Variants in CIZ1 observed in about 807,000 individuals in gnomAD.
CIZ1 encodes CDKN1A interacting zinc finger protein 1, also known as cip1-interacting zinc finger protein.
In CIZ1, 58 loss-of-function variants were observed where a neutral mutation model predicts 118.6. The observed-to-expected ratio is 0.49, with a 90% confidence interval of 0.40 to 0.61. The LOEUF (loss-of-function observed/expected upper bound fraction) is 0.61. Ranked by LOEUF, CIZ1 falls within the 20% of genes least tolerant of loss-of-function variation. CIZ1 has a pLI of 0.00. For missense variants in CIZ1, 921 were observed against 1,115.9 expected, an observed-to-expected ratio of 0.83 and a Z score of 2.49; for synonymous variants, 448 against 443.4, an observed-to-expected ratio of 1.01 and a Z score of -0.13.
Position 128,203,594 on chromosome 9 carries a change from G to T in CIZ1, c.-6+592C>A, listed in dbSNP as rs770857641. 1.3e-6 allele frequency: 2 copies of T among 1,550,310 alleles called. No individual in the cohort carries two copies. The highest frequency in any genetic ancestry group is 1.7e-6 in the Non-Finnish European group (2 of 1,152,862). On this transcript the variant is annotated intron_variant, in intron 1 of 17. Coordinates refer to the CIZ1 transcript ENST00000372948. The surrounding 1 kb of genome is among the most constrained non-coding windows in gnomAD (Gnocchi z 5.3). ...GATCGCTGTGGTGGGCGGCCAGAGC[G>T]CCGGCAAGAGCTCGGTGCTCGAGAA...
chr9:128,192,175 C>A (rs192612616), upstream of CIZ1, among the ~76,000 whole-genome samples: 102 of 152,144 alleles, frequency 6.7e-4, no homozygotes, highest in African/African-American at 2.4e-3. Flanking sequence ...GGATCAAGAC[C>A]AGCCTGGGCA....
intron 14 of CIZ1, 170 bp from the exon 15 acceptor site, chr9:128,167,334 C>G (rs1829560663): frequency 1.7e-6 from 1 of 593,534 alleles, no homozygotes; most frequent in South Asian, 2.1e-5. Context: ...TCCTGCCTCC[C>G]AGAGTGCTCT....
intron 4 of CIZ1, among the ~76,000 whole-genome samples, chr9:128,186,565 T>C (rs1832401321): frequency 6.6e-6 from 1 of 152,208 alleles, no homozygotes; most frequent in South Asian, 2.1e-4. Flanking sequence ...AACAGCGATC[T>C]TTCGCAAACC....
intron 4 of CIZ1, among the ~76,000 whole-genome samples, 164 bp from the exon 5 acceptor site, chr9:128,185,940 GCCCCA>G (rs1832310705): frequency 1.3e-5 from 2 of 152,174 alleles, no homozygotes; most frequent in African/African-American, 4.8e-5. Flanking sequence ...CTGAGGCTCA[GCCCCA>G]TCTTGGGCAC....
rs1357356420 is a variant in CIZ1, at chr9:128,183,164, A to T, written c.589-2350T>A. ...CCCTCCCTCCCTCCTGCTAAGCCCA[A>T]GGAATGAGCACTGAGCAGGGAATGG... On this transcript the variant is annotated intron_variant, in intron 5 of 16. Transcript: ENST00000372938. 2.0e-5 allele frequency among the ~76,000 whole-genome samples: 3 copies of T among 152,158 alleles called. No individual in the cohort carries two copies. In the East Asian group the frequency reaches 5.8e-4, roughly 29 times the overall value.
At chr9:128,177,110 A>C (rs747473083) in intron 10 of CIZ1, among the ~76,000 whole-genome samples, 34 of 152,112 alleles carry the variant, frequency 2.2e-4, no homozygotes, top group Non-Finnish European at 4.1e-4. Context: ...GGCTGGTCTC[A>C]AACTCCTGAC....
At chr9:128,168,798 A>G (rs1829766198) in intron 14 of CIZ1, 1 of 498,200 alleles carries the variant, frequency 2.0e-6, no homozygotes, top group Admixed American at 3.4e-5. Context: ...CCGTGCCTTT[A>G]CTGATGCTGT....
upstream of CIZ1, among the ~76,000 whole-genome samples, chr9:128,194,065 T>G (rs74642505): frequency 5.8e-3 from 890 of 152,216 alleles, 9 homozygotes; most frequent in African/African-American, 0.021. Context: ...TTGCAAATTT[T>G]ATATCAAGAA....
chr9:128,192,063 G>GA (rs910533885), upstream of CIZ1: 12 of 580,206 alleles, frequency 2.1e-5, no homozygotes, highest in African/African-American at 3.9e-5. Flanking sequence ...TTTGGCTAAG[G>GA]AAGGAGTAGG....
chr9:128,184,488 G>GTT (rs1832094737), intron 5 of CIZ1, among the ~76,000 whole-genome samples: 1 of 102,424 alleles, frequency 9.8e-6, no homozygotes, highest in African/African-American at 3.0e-5. Flanking sequence ...GGGCAGTGCT[G>GTT]ATTTTTTTTT....
upstream of CIZ1, chr9:128,196,741 C>A (rs1833385744): frequency 6.6e-6 from 1 of 152,042 alleles, no homozygotes; most frequent in Non-Finnish European, 1.5e-5. Context: ...GTGGCTGGGA[C>A]TACAGGCACC....
chr9:128,171,759 T>TAAAA (rs1445875756), intron 11 of CIZ1, among the ~76,000 whole-genome samples: 1 of 151,526 alleles, frequency 6.6e-6, no homozygotes, highest in Non-Finnish European at 1.5e-5. Flanking sequence ...AATAAATAAA[T>TAAAA]AAAATAATAC....
chr9:128,168,054 C>T (rs1005067406), intron 14 of CIZ1, among the ~76,000 whole-genome samples: 1 of 152,168 alleles, frequency 6.6e-6, no homozygotes, highest in South Asian at 2.1e-4. Context: ...CCCCTCAATA[C>T]CCCACTTTGG....
In CIZ1 at chr9:128,190,327, A is replaced by G; in HGVS notation, c.286+2T>C. 6.2e-7 allele frequency: 1 copy of G among 1,608,132 alleles called. No individual in the cohort carries two copies. Among genetic ancestry groups the G allele is most frequent in the South Asian group, 1.1e-5 (1 of 90,718 alleles). On this transcript the variant is annotated splice_donor_variant, in intron 3 of 16. Coordinates refer to ENST00000372938, the MANE Select transcript of CIZ1 (RefSeq NM_001131016.2). LOFTEE classifies it high-confidence loss of function. ...TGAGAAGAGGCCTGGGGCCATCCAT[A>G]CCTTGCAACTGCTGTAAAAGCAAAG... is the stretch of plus-strand genomic sequence containing the variant.
intron 5 of CIZ1, 101 bp downstream of exon 5, chr9:128,185,446 G>C: frequency 1.5e-6 from 1 of 681,870 alleles, no homozygotes; most frequent in Non-Finnish European, 2.4e-6. Context: ...CATAAAGGGA[G>C]TGTGACCTGT....
At chr9:128,167,314 C>G in intron 14 of CIZ1, 150 bp from the exon 15 acceptor site, 1 of 615,116 alleles carries the variant, frequency 1.6e-6, no homozygotes. Context: ...TGAGCCTTTG[C>G]ACATGGTGAT....
At chr9:128,174,948 G>A (rs2130935891) in intron 11 of CIZ1, among the ~76,000 whole-genome samples, 1 of 152,308 alleles carries the variant, frequency 6.6e-6, no homozygotes, top group South Asian at 2.1e-4. Context: ...CTGAGCCACT[G>A]CGCCTGACCA....
rs751946601 is a variant in CIZ1, at chr9:128,166,730, G to A, written c.2487+29C>T. On this transcript the variant is annotated intron_variant, in intron 16 of 16. Coordinates refer to ENST00000372938, the MANE Select transcript of CIZ1 (RefSeq NM_001131016.2). This position sits in a 1 kb window ranked among gnomAD's most constrained non-coding sequence, Gnocchi z 4.4. ...GGATTAAGACTAAGTCTGTGGCCAGGGGAGGACAGGGCAGGATGTCCGGCT... is the reference window on the plus strand; with the variant it reads ...GGATTAAGACTAAGTCTGTGGCCAGAGGAGGACAGGGCAGGATGTCCGGCT... The A allele has an allele frequency of 7.5e-5, 121 of 1,614,028 alleles. 2 individuals carry two copies. The South Asian group carries it at 1.3e-3, about 17-fold the overall frequency.
chr9:128,171,910 G>A (rs189765652), intron 11 of CIZ1, among the ~76,000 whole-genome samples: 53 of 152,006 alleles, frequency 3.5e-4, no homozygotes, highest in African/African-American at 1.2e-3. Context: ...CATGTTGAAA[G>A]ATATAAGAAA....
Sources: allele counts gnomAD v4.1 joint callset (sites outside exome capture counted in the v4.1 genomes callset), GRCh38; gene constraint gnomAD v4.1.1; non-coding constraint Gnocchi (gnomAD v3.1); transcripts MANE v1.5; gene names NCBI Gene and HGNC (gene_info 2026-07-23, HGNC 2026-07-21).